The following NAF1 variants were observed in gnomAD, a reference collection of about 807,000 sequenced individuals.
NAF1 encodes H/ACA ribonucleoprotein complex non-core subunit NAF1.
NAF1 carries 11 observed loss-of-function variants against 40.6 expected under a neutral mutation model. The observed-to-expected ratio is 0.27, with a 90% CI of 0.17 to 0.45. The LOEUF is 0.45. Ranked by LOEUF, NAF1 falls within the 20% of genes least tolerant of loss-of-function variation. The probability of loss-of-function intolerance (pLI) is 1.00; values close to 1 mark genes in which losing one functional copy is unlikely to be tolerated. For synonymous variants in NAF1, 260 were observed against 228.5 expected (o/e 1.14, Z -1.24); for missense variants, 607 against 611.1 (o/e 0.99, Z 0.07).
downstream of NAF1, among the ~76,000 whole-genome samples, chr4:163,107,741 CT>C (rs1413291560): frequency 6.6e-6 from 1 of 152,044 alleles, no homozygotes; most frequent in South Asian, 2.1e-4. Flanking sequence ...GTTTCTTAAG[CT>C]TTTTTGGTTA....
chr4:163,166,188 A>G (rs1420797586), intron 1 of NAF1, among the ~76,000 whole-genome samples, 175 bp downstream of exon 1: 1 of 152,212 alleles, frequency 6.6e-6, no homozygotes, highest in Non-Finnish European at 1.5e-5. Flanking sequence ...CTGCTTTGAG[A>G]GGCAGCGAAT....
At chr4:163,119,177 C>T (rs534257241) in intron 2 of NAF1, among the ~76,000 whole-genome samples, 15 of 152,148 alleles carry the variant, frequency 9.9e-5, no homozygotes, top group Non-Finnish European at 2.1e-4. Flanking sequence ...GTTGTTGTTG[C>T]GTATGGGCAT....
chr4:163,146,337 C>T (rs185632418), intron 3 of NAF1, among the ~76,000 whole-genome samples: 5 of 152,250 alleles, frequency 3.3e-5, no homozygotes, highest in African/African-American at 1.2e-4. Context: ...TTCCTATGAA[C>T]AGAAGAAGTA....
chr4:163,109,033 G>C (rs546203028), downstream of NAF1: 1 of 152,098 alleles, frequency 6.6e-6, no homozygotes, highest in South Asian at 2.1e-4. Context: ...ACTGTATGTT[G>C]AGAGTAAATA....
At chr4:163,145,740 A>C in intron 4 of NAF1, 42 bp downstream of exon 4, 2 of 1,286,492 alleles carry the variant, frequency 1.6e-6, no homozygotes, top group Non-Finnish European at 2.2e-6. Flanking sequence ...AAAAACAATA[A>C]ATAAATAGAA....
At chr4:163,113,408 G>A (rs1239103213) in intron 2 of NAF1, among the ~76,000 whole-genome samples, 2 of 150,644 alleles carry the variant, frequency 1.3e-5, no homozygotes, top group Non-Finnish European at 3.0e-5. Context: ...ATCAAAACTT[G>A]TAAGGTTAGT....
At chr4:163,161,710 A>G (rs995399632) in intron 2 of NAF1, among the ~76,000 whole-genome samples, 1 of 152,178 alleles carries the variant, frequency 6.6e-6, no homozygotes, top group African/African-American at 2.4e-5. Context: ...TAAGTCGTAC[A>G]TGATATCACT....
At chr4:163,111,890 T>G (rs1730170763) in intron 2 of NAF1, among the ~76,000 whole-genome samples, 1 of 152,160 alleles carries the variant, frequency 6.6e-6, no homozygotes, top group Non-Finnish European at 1.5e-5. Context: ...GTAGAAAATT[T>G]TATCAATCAC....
rs566998031 is a variant in NAF1, at chr4:163,121,131, T to C, written c.115-10841A>G. On this transcript the variant is annotated intron_variant, in intron 2 of 2. Coordinates refer to the NAF1 transcript ENST00000509434. ...GTCTCGAACTCCTGACCTCAAGTGATCTGCCTGCCTCAGCCTCCCAAAGTG... is the reference window on the plus strand; with the variant it reads ...GTCTCGAACTCCTGACCTCAAGTGACCTGCCTGCCTCAGCCTCCCAAAGTG... 5.9e-5 allele frequency among the ~76,000 whole-genome samples: 9 copies of C among 152,312 alleles called. No individual in the cohort carries two copies. In the East Asian group the frequency reaches 1.5e-3, roughly 26 times the overall value.
At chr4:163,165,899 G>A (rs1026047882) in intron 1 of NAF1, among the ~76,000 whole-genome samples, 3 of 152,020 alleles carry the variant, frequency 2.0e-5, no homozygotes, top group Non-Finnish European at 4.4e-5. Context: ...TAATCATCAA[G>A]AGCCAGCTTT....
At chr4:163,149,553 A>C (rs1034958237) in intron 2 of NAF1, among the ~76,000 whole-genome samples, 27 of 152,192 alleles carry the variant, frequency 1.8e-4, no homozygotes, top group African/African-American at 6.0e-4. Flanking sequence ...GTCTCAACCA[A>C]CTGATGCAGA....
Position 163,117,764 on chromosome 4 carries a change from C to A in NAF1, c.115-7474G>T, listed in dbSNP as rs537901726. ...ATTCGTTGCTATCTGTAAAGGTCAG[C>A]ACTCTGGTATGTTTATGGATAGAAC... On this transcript the variant is annotated intron_variant, in intron 2 of 2. Transcript: ENST00000509434. 4.0e-5 allele frequency among the ~76,000 whole-genome samples: 6 copies of A among 150,444 alleles called. No homozygotes were observed. The East Asian group carries it at 9.8e-4, about 25-fold the overall frequency.
In NAF1 at chr4:163,133,236, A is replaced by G; in HGVS notation, c.951T>C (p.Asp317=). The G allele has an allele frequency of 6.2e-7, 1 of 1,613,550 alleles. No individual in the cohort carries two copies. The highest frequency in any genetic ancestry group is 8.5e-7 in the Non-Finnish European group (1 of 1,179,808). Residue 317 remains aspartate (D), a synonymous_variant, in exon 7 of 8, where the codon GAT becomes GAC. Coordinates refer to ENST00000274054, the MANE Select transcript of NAF1 (RefSeq NM_138386.3). The part of the protein sequence containing the change: ...PPPEALDFSD[D]EKEKEAKQRK... ...TCTGTTTGGCTTCCTTCTCTTTTTCATCATCACTAAAATCTAAGGCCTTGC... is the reference window on the plus strand; with the variant it reads ...TCTGTTTGGCTTCCTTCTCTTTTTCGTCATCACTAAAATCTAAGGCCTTGC...
chr4:163,139,259 T>C (rs985751723), intron 5 of NAF1, among the ~76,000 whole-genome samples: 5 of 152,066 alleles, frequency 3.3e-5, no homozygotes, highest in African/African-American at 1.2e-4. Context: ...TCTATAAAAA[T>C]GTATCGCCTA....
chr4:163,121,448 T>C (rs1332418668), intron 2 of NAF1, among the ~76,000 whole-genome samples: 1 of 152,218 alleles, frequency 6.6e-6, no homozygotes, highest in Non-Finnish European at 1.5e-5. Flanking sequence ...GTATCCCGAA[T>C]GCACTAAATC....
chr4:163,113,076 TA>T (rs1263052373), intron 2 of NAF1, among the ~76,000 whole-genome samples: 1 of 152,164 alleles, frequency 6.6e-6, no homozygotes, highest in African/African-American at 2.4e-5. Context: ...GAGGCCAGAT[TA>T]TTTAGAGACT....
At chr4:163,157,715 T>C (rs1173897736) in intron 2 of NAF1, among the ~76,000 whole-genome samples, 2 of 152,126 alleles carry the variant, frequency 1.3e-5, no homozygotes, top group African/African-American at 4.8e-5. Context: ...GATTATTATA[T>C]TTTAATTTTC....
intron 2 of NAF1, among the ~76,000 whole-genome samples, chr4:163,115,665 G>GT (rs768482124): frequency 6.6e-6 from 1 of 152,038 alleles, no homozygotes; most frequent in Non-Finnish European, 1.5e-5. Flanking sequence ...TTTATTGGTA[G>GT]TTTTTTTGTG....
intron 2 of NAF1, among the ~76,000 whole-genome samples, chr4:163,112,809 G>C (rs1373032509): frequency 6.6e-6 from 1 of 152,220 alleles, no homozygotes. Context: ...AGGAGGGATA[G>C]TGAAATCAGG....
Sources: allele counts gnomAD v4.1 joint callset (sites outside exome capture counted in the v4.1 genomes callset), GRCh38; gene constraint gnomAD v4.1.1; transcripts MANE v1.5; gene names NCBI Gene and HGNC (gene_info 2026-07-23, HGNC 2026-07-21).